ZNF804B: variants seen among roughly 807,000 people sequenced by gnomAD.
ZNF804B encodes zinc finger protein 804B, also known as zinc finger 804B.
A neutral mutation model predicts 101.4 loss-of-function variants in ZNF804B; 80 were observed. The ratio of observed to expected loss-of-function variants is 0.79; its 90% CI spans 0.66 to 0.95. The LOEUF is 0.95. Ranked by LOEUF, ZNF804B falls within the 40% of genes least tolerant of loss-of-function variation. The pLI, the probability that ZNF804B is intolerant of heterozygous loss-of-function variation, is 0.00. For synonymous variants in ZNF804B, 622 were observed against 558.8 expected, an observed-to-expected ratio of 1.11 and a Z score of -1.59; for missense variants, 1,673 against 1,561.9, an observed-to-expected ratio of 1.07 and a Z score of -1.20.
At chr7:89,193,997 T>C (rs1165089263) in intron 1 of ZNF804B, among the ~76,000 whole-genome samples, 1 of 152,188 alleles carries the variant, frequency 6.6e-6, no homozygotes, top group Non-Finnish European at 1.5e-5. Flanking sequence ...TTTTTAATGA[T>C]TGCCATTCTA....
chr7:89,242,229 G>T (rs1474462492), intron 2 of ZNF804B, among the ~76,000 whole-genome samples: 1 of 151,798 alleles, frequency 6.6e-6, no homozygotes, highest in African/African-American at 2.4e-5. Context: ...TAGATGAATG[G>T]ATTAAATTTA....
chr7:88,857,885 A>T (rs966508495), intron 1 of ZNF804B, among the ~76,000 whole-genome samples: 7 of 124,192 alleles, frequency 5.6e-5, no homozygotes, highest in African/African-American at 2.2e-4. Flanking sequence ...GCAGTGGCAC[A>T]CAATCTCGGC....
At chr7:89,279,955 A>C (rs1252008897) in intron 2 of ZNF804B, among the ~76,000 whole-genome samples, 1 of 151,896 alleles carries the variant, frequency 6.6e-6, no homozygotes, top group East Asian at 1.9e-4. Context: ...CAGAATATAC[A>C]TTTTTTTCAA....
intron 2 of ZNF804B, among the ~76,000 whole-genome samples, chr7:89,277,455 T>C (rs1400228281): frequency 5.4e-5 from 7 of 128,546 alleles, no homozygotes; most frequent in Non-Finnish European, 9.8e-5. Flanking sequence ...ATTAGGTATA[T>C]CTCCCAATGC....
intron 1 of ZNF804B, among the ~76,000 whole-genome samples, chr7:89,130,177 G>A (rs903563715): frequency 6.6e-6 from 1 of 151,922 alleles, no homozygotes; most frequent in African/African-American, 2.4e-5. Flanking sequence ...GGGAGGATCT[G>A]CATCCCAATT....
At chr7:89,274,091 A>C (rs1310689701) in intron 2 of ZNF804B, among the ~76,000 whole-genome samples, 1 of 151,042 alleles carries the variant, frequency 6.6e-6, no homozygotes, top group Non-Finnish European at 1.5e-5. Context: ...TCTCATCTCT[A>C]CCAAAATCGG....
intron 1 of ZNF804B, among the ~76,000 whole-genome samples, chr7:88,966,402 C>A (rs1162851447): frequency 6.6e-6 from 1 of 151,438 alleles, no homozygotes; most frequent in Non-Finnish European, 1.5e-5. Flanking sequence ...ACAAGAGTAG[C>A]CTGGGCCTCA....
chr7:88,831,107 A>T (rs536831770), intron 1 of ZNF804B, among the ~76,000 whole-genome samples: 1 of 151,928 alleles, frequency 6.6e-6, no homozygotes, highest in African/African-American at 2.4e-5. Context: ...AGACATTTGA[A>T]TGTTTTCCAG....
At chr7:89,010,264 T>A (rs182457307) in intron 1 of ZNF804B, among the ~76,000 whole-genome samples, 1 of 152,190 alleles carries the variant, frequency 6.6e-6, no homozygotes, top group African/African-American at 2.4e-5. Context: ...GAGGCATTGC[T>A]ATAGGATTCA....
Position 89,268,585 on chromosome 7 carries a change from G to A in ZNF804B, c.249+50290G>A, listed in dbSNP as rs181368012. Among the ~76,000 whole-genome samples the A allele has an allele frequency of 1.6e-4, 24 of 151,236 alleles. No homozygotes were observed. In the East Asian group the frequency reaches 4.6e-3, roughly 29 times the overall value. ...TGATTTATTTTTCTTTTTTTTTCAAGTAGACATTTTCTTTTTAATAAAACA... is the reference window on the plus strand; with the variant it reads ...TGATTTATTTTTCTTTTTTTTTCAAATAGACATTTTCTTTTTAATAAAACA... On this transcript the variant is annotated intron_variant, in intron 2 of 3. Transcript: ENST00000333190.
At chr7:89,073,077 T>C (rs1269854610) in intron 1 of ZNF804B, among the ~76,000 whole-genome samples, 1 of 152,138 alleles carries the variant, frequency 6.6e-6, no homozygotes, top group African/African-American at 2.4e-5. Context: ...ATTTCAGAAA[T>C]ATTTCTAGTA....
At position 89,066,988 on chromosome 7, in the gene ZNF804B, T is replaced by C. The variant is rs142536753; in HGVS notation, c.109-151167T>C. On this transcript the variant is annotated intron_variant, in intron 1 of 3. Coordinates refer to ENST00000333190, the MANE Select transcript of ZNF804B (RefSeq NM_181646.5). ...CTTGTGGTTATTTTATCATCCTACA[T>C]ATTTAATACCTAAATATCTAACTCT... 3.0e-3 allele frequency among the ~76,000 whole-genome samples: 462 copies of C among 152,214 alleles called. 15 individuals are homozygous for C. Among genetic ancestry groups the C allele is most frequent in the Admixed American group, 0.028 (426 of 15,266 alleles).
intron 1 of ZNF804B, among the ~76,000 whole-genome samples, chr7:88,877,031 AT>A (rs1452685735): frequency 5.1e-5 from 2 of 39,286 alleles, no homozygotes; most frequent in African/African-American, 2.9e-4. Context: ...TATATAATAT[AT>A]ATATATATAT....
Position 88,929,442 on chromosome 7 carries a change from G to T in ZNF804B, c.108+169358G>T, listed in dbSNP as rs184739823. The stretch of plus-strand genomic sequence containing the variant: ...AATAGAGTTTTGAGTTAAAAGGTAA[G>T]TATTGATTATCAGCAAGTCTTTATA... On this transcript the variant is annotated intron_variant, in intron 1 of 3. Coordinates refer to ENST00000333190, the MANE Select transcript of ZNF804B (RefSeq NM_181646.5). Among the ~76,000 whole-genome samples the T allele has an allele frequency of 1.1e-3, 170 of 151,968 alleles. 1 individual carries two copies. Among genetic ancestry groups the T allele is most frequent in the African/African-American group, 3.9e-3 (162 of 41,508 alleles).
chr7:89,238,639 A>G (rs1270304875), intron 2 of ZNF804B, among the ~76,000 whole-genome samples: 1 of 152,232 alleles, frequency 6.6e-6, no homozygotes, highest in Admixed American at 6.5e-5. Context: ...CTATAAACTG[A>G]ACAGAAATAT....
intron 2 of ZNF804B, among the ~76,000 whole-genome samples, chr7:89,280,374 C>G (rs1008400378): frequency 3.3e-5 from 5 of 151,764 alleles, no homozygotes; most frequent in African/African-American, 1.2e-4. Flanking sequence ...CAAACACATT[C>G]AAAAGCTAGC....
rs1193933421 is a variant in ZNF804B at position 89,066,588 on chromosome 7, CTG to C, written c.109-151566_109-151565del. On this transcript the variant is annotated intron_variant, in intron 1 of 3. Coordinates refer to ENST00000333190, the MANE Select transcript of ZNF804B (RefSeq NM_181646.5). ...TTAATCAAACATGCTAGAAGACAGACTGGACTTTTTTTAAAAAAATTGTCTTT... is the reference window on the plus strand; with the variant it reads ...TTAATCAAACATGCTAGAAGACAGACGACTTTTTTTAAAAAAATTGTCTTT... Among the ~76,000 whole-genome samples, 10 of 152,142 alleles carry C rather than the reference CTG, an allele frequency of 6.6e-5. No homozygotes were observed. In the East Asian group the frequency reaches 1.9e-3, roughly 29 times the overall value.
At chr7:88,947,782 C>T (rs1793159143) in intron 1 of ZNF804B, among the ~76,000 whole-genome samples, 5 of 151,496 alleles carry the variant, frequency 3.3e-5, no homozygotes, top group Admixed American at 3.3e-4. Flanking sequence ...ATCTAAAATC[C>T]CAAACAATTC....
intron 2 of ZNF804B, among the ~76,000 whole-genome samples, chr7:89,322,252 TA>T (rs1223643672): frequency 6.6e-6 from 1 of 152,160 alleles, no homozygotes; most frequent in Non-Finnish European, 1.5e-5. Context: ...GCAAACAGAA[TA>T]AATATTTTCT....
Sources: gnomAD v4.1 joint callset for allele counts (sites outside exome capture counted in the v4.1 genomes callset) on GRCh38, gnomAD v4.1.1 for gene constraint, MANE v1.5 for transcripts, NCBI Gene and HGNC (gene_info 2026-07-23, HGNC 2026-07-21) for gene names.